The following ELMO1 variants were observed in gnomAD, a reference collection of about 807,000 sequenced individuals.
ELMO1 encodes engulfment and cell motility protein 1.
ELMO1 carries 26 observed loss-of-function variants against 98.9 expected under a neutral mutation model. The ratio of observed to expected loss-of-function variants is 0.26; its 90% confidence interval spans 0.19 to 0.36. The LOEUF is 0.36. Among genes scored for constraint, ELMO1 ranks in the 10% least tolerant of loss-of-function variants. The pLI, the probability that ELMO1 is intolerant of heterozygous loss-of-function variation, is 1.00. For missense variants in ELMO1, 627 were observed against 935.2 expected, an observed-to-expected ratio of 0.67 and a Z score of 4.30; for synonymous variants, 346 against 346.0, an observed-to-expected ratio of 1.00 and a Z score of 0.00.
intron 10 of ELMO1, chr7:37,217,857 G>A (rs1425086074): frequency 3.8e-5 from 17 of 452,622 alleles, no homozygotes; most frequent in African/African-American, 6.0e-5. Context: ...GTATTTGAAC[G>A]CCCCTGCTGA....
chr7:37,124,244 T>A (rs1786323086), intron 14 of ELMO1, among the ~76,000 whole-genome samples: 1 of 152,204 alleles, frequency 6.6e-6, no homozygotes, highest in East Asian at 1.9e-4. Flanking sequence ...ATGCACTCTC[T>A]CACCACTCCT....
At position 37,448,518 on chromosome 7, in the gene ELMO1, G is replaced by C. The variant is rs576255064; in HGVS notation, c.-74+157C>G. ...GAGCGCGGCGGCCACCCCCGCCCGA[G>C]CCGCGGCGCCCCCAGGGAGGAAACA... On this transcript the variant is annotated intron_variant, in intron 1 of 21. Coordinates refer to ENST00000310758, the MANE Select transcript of ELMO1 (RefSeq NM_014800.11). Among the ~76,000 whole-genome samples, 1,308 of 151,902 alleles carry C rather than the reference G, an allele frequency of 8.6e-3. 9 individuals carry two copies. The highest frequency in any genetic ancestry group is 0.014 in the Non-Finnish European group (962 of 67,916).
At chr7:36,956,059 A>G (rs986749694) in intron 16 of ELMO1, among the ~76,000 whole-genome samples, 2 of 152,220 alleles carry the variant, frequency 1.3e-5, no homozygotes, top group Non-Finnish European at 2.9e-5. Flanking sequence ...GTCGTGATGC[A>G]AAGTAGGTGT....
intron 10 of ELMO1, among the ~76,000 whole-genome samples, chr7:37,221,637 C>T (rs987502380): frequency 2.6e-5 from 4 of 152,130 alleles, no homozygotes; most frequent in Non-Finnish European, 1.5e-5. Context: ...AAAGGATCTA[C>T]AGACAAAGGA....
intron 14 of ELMO1, among the ~76,000 whole-genome samples, chr7:37,108,519 C>A (rs1447711862): frequency 6.6e-6 from 1 of 152,210 alleles, no homozygotes; most frequent in South Asian, 2.1e-4. Flanking sequence ...GCCACATCGT[C>A]CCTGGGGGCA....
rs1307414141 is a variant in ELMO1 at position 37,211,437 on chromosome 7, C to A, written c.1035G>T (p.Met345Ile). Reference protein sequence around the residue: ...ESEPNNSSGSMEKRKSMYTRD... With the variant: ...ESEPNNSSGSIEKRKSMYTRD... ...GCGTGTACATGGACTTGCGTTTCTCCATGCTGCCACTGCTGTTGTTAGGTT... is the reference window on the plus strand; with the variant it reads ...GCGTGTACATGGACTTGCGTTTCTCAATGCTGCCACTGCTGTTGTTAGGTT... The change falls in exon 13 of 22, where the codon ATG becomes ATT. Residue 345 changes from methionine to isoleucine, a missense_variant. Transcript: ENST00000310758. The A allele has an allele frequency of 6.2e-7, 1 of 1,614,034 alleles. No homozygotes were observed. Among genetic ancestry groups the A allele is most frequent in the East Asian group, 2.2e-5 (1 of 44,842 alleles).
chr7:37,151,468 G>A (rs1788354886), intron 13 of ELMO1, among the ~76,000 whole-genome samples: 1 of 152,136 alleles, frequency 6.6e-6, no homozygotes, highest in Admixed American at 6.5e-5. Context: ...AAATCCTAAT[G>A]GGGCCTTCTA....
intron 1 of ELMO1, among the ~76,000 whole-genome samples, chr7:37,408,553 T>A (rs891856294): frequency 5.3e-5 from 8 of 152,192 alleles, no homozygotes; most frequent in African/African-American, 1.9e-4. Flanking sequence ...GGTAGGAATA[T>A]ACATGCAATG....
intron 16 of ELMO1, among the ~76,000 whole-genome samples, chr7:36,982,372 A>G (rs1791139267): frequency 6.6e-6 from 1 of 152,232 alleles, no homozygotes; most frequent in African/African-American, 2.4e-5. Context: ...AATAACTTAG[A>G]CATAGCAGGT....
chr7:37,096,951 T>TC (rs1784392951), intron 14 of ELMO1, among the ~76,000 whole-genome samples: 1 of 152,174 alleles, frequency 6.6e-6, no homozygotes, highest in African/African-American at 2.4e-5. Flanking sequence ...AAGAGGATAT[T>TC]TTGCTTGTTC....
At chr7:37,024,540 T>C (rs530563967) in intron 15 of ELMO1, among the ~76,000 whole-genome samples, 29 of 152,304 alleles carry the variant, frequency 1.9e-4, no homozygotes, top group African/African-American at 6.3e-4. Flanking sequence ...GTAAATACCT[T>C]AGCACAAAGT....
At chr7:37,039,801 T>C (rs1251332550) in intron 15 of ELMO1, among the ~76,000 whole-genome samples, 1 of 152,228 alleles carries the variant, frequency 6.6e-6, no homozygotes, top group Non-Finnish European at 1.5e-5. Context: ...TTTGTTGACA[T>C]GAATTAATCT....
intron 15 of ELMO1, among the ~76,000 whole-genome samples, chr7:37,027,809 T>G (rs954452388): frequency 2.7e-5 from 4 of 150,254 alleles, no homozygotes; most frequent in African/African-American, 9.8e-5. Context: ...TAGGAAAAGG[T>G]CAAGCTCCAC....
intron 16 of ELMO1, among the ~76,000 whole-genome samples, chr7:36,980,189 C>A (rs983933821): frequency 6.6e-6 from 1 of 152,190 alleles, no homozygotes; most frequent in Non-Finnish European, 1.5e-5. Context: ...ACCCTGCATA[C>A]TGATGATAAT....
At chr7:37,057,044 G>A (rs1051075981) in intron 15 of ELMO1, among the ~76,000 whole-genome samples, 1 of 152,100 alleles carries the variant, frequency 6.6e-6, no homozygotes, top group African/African-American at 2.4e-5. Flanking sequence ...AGTAGGTTAG[G>A]TATAATATAG....
chr7:37,130,297 C>A lies in ELMO1; in HGVS notation c.1191+2833G>T, dbSNP rs141199930. Reference sequence around the variant, plus strand: ...ACTTGTTTTCTTGAGGAATCCCCATCCTTTGGCTCATGGCTGGGCATTTGA... The same window carrying A: ...ACTTGTTTTCTTGAGGAATCCCCATACTTTGGCTCATGGCTGGGCATTTGA... On this transcript the variant is annotated intron_variant, in intron 14 of 21. Coordinates refer to ENST00000310758, the MANE Select transcript of ELMO1 (RefSeq NM_014800.11). 9.2e-4 allele frequency among the ~76,000 whole-genome samples: 140 copies of A among 152,282 alleles called. 1 individual carries two copies. Among genetic ancestry groups the A allele is most frequent in the African/African-American group, 3.2e-3 (133 of 41,540 alleles).
chr7:36,893,347 C>T (rs1805719117), intron 17 of ELMO1, among the ~76,000 whole-genome samples: 1 of 152,190 alleles, frequency 6.6e-6, no homozygotes, highest in South Asian at 2.1e-4. Context: ...CTTGGTGTTT[C>T]TAGCTGTTAC....
In ELMO1 at chr7:37,203,528, C is replaced by T. The variant is rs938847520; in HGVS notation, c.1086+7858G>A. ...TCCAGATAGTCCCCCTACAATGGGGCTTTGGGCAAAAATTACATCTTTCTG... is the reference window on the plus strand; with the variant it reads ...TCCAGATAGTCCCCCTACAATGGGGTTTTGGGCAAAAATTACATCTTTCTG... On this transcript the variant is annotated intron_variant, in intron 13 of 21. Transcript: ENST00000310758. 3.9e-5 allele frequency among the ~76,000 whole-genome samples: 6 copies of T among 152,278 alleles called. No individual in the cohort carries two copies. In the South Asian group the frequency reaches 8.3e-4, roughly 21 times the overall value.
chr7:36,974,002 C>T (rs938642394), intron 16 of ELMO1, among the ~76,000 whole-genome samples: 40 of 152,358 alleles, frequency 2.6e-4, no homozygotes, highest in Admixed American at 3.9e-4. Flanking sequence ...ACCTGCAGCC[C>T]GCCATGCCTG....
Sources: gnomAD v4.1 joint callset for allele counts (sites outside exome capture counted in the v4.1 genomes callset) on GRCh38, gnomAD v4.1.1 for gene constraint, MANE v1.5 for transcripts, NCBI Gene and HGNC (gene_info 2026-07-23, HGNC 2026-07-21) for gene names.